The following PFKFB3 variants were observed in gnomAD, a reference collection of about 807,000 sequenced individuals.
PFKFB3 encodes 6-phosphofructo-2-kinase/fructose-2,6-bisphosphatase 3.
A neutral mutation model predicts 68.0 loss-of-function variants in PFKFB3; 33 were observed. The ratio of observed to expected loss-of-function variants is 0.49; its 90% CI spans 0.37 to 0.65. The LOEUF is 0.65. Ranked by LOEUF, PFKFB3 falls within the 30% of genes least tolerant of loss-of-function variation. The pLI, the probability that PFKFB3 is intolerant of heterozygous loss-of-function variation, is 0.00. For synonymous variants in PFKFB3, 315 were observed against 288.2 expected (o/e 1.09, Z -0.94); for missense variants, 586 against 712.2 (o/e 0.82, Z 2.02).
intron 14 of PFKFB3, among the ~76,000 whole-genome samples, chr10:6,248,042 C>T (rs955328047): frequency 5.3e-5 from 8 of 152,156 alleles, no homozygotes; most frequent in Non-Finnish European, 1.0e-4. Flanking sequence ...GGCCATCAAG[C>T]CAATGCCTTT....
At chr10:6,188,249 C>T (rs1316258919) in intron 1 of PFKFB3, among the ~76,000 whole-genome samples, 1 of 151,870 alleles carries the variant, frequency 6.6e-6, no homozygotes. Flanking sequence ...AGGATATCAA[C>T]ACTGATACAG....
chr10:6,165,685 AT>A (rs947911136), intron 1 of PFKFB3, among the ~76,000 whole-genome samples: 2 of 152,068 alleles, frequency 1.3e-5, no homozygotes, highest in African/African-American at 4.8e-5. Context: ...CGATGCGTCT[AT>A]TTTTTTGTAA....
chr10:6,292,566 G>A, the PFKFB3 span, among the ~76,000 whole-genome samples: 2 of 151,666 alleles, frequency 1.3e-5, no homozygotes, highest in Non-Finnish European at 2.9e-5. Context: ...TGGGATTACA[G>A]GCGTGAGCCA....
At position 6,192,139 on chromosome 10, in the gene PFKFB3, T is replaced by TACACACACACACACACAC. The variant is rs60638987; in HGVS notation, c.17-21456_17-21439dup. 1.5e-3 allele frequency among the ~76,000 whole-genome samples: 183 copies of TACACACACACACACACAC among 119,140 alleles called. 5 individuals are homozygous for TACACACACACACACACAC. Among genetic ancestry groups the TACACACACACACACACAC allele is most frequent in the East Asian group, 6.4e-3 (25 of 3,918 alleles). The allele number at this position is 119,140 out of a possible 152,430, so 78.2% of individuals were successfully genotyped here. ...CAGCAGAGTCAATGACATTCCCCAA[T>TACACACACACACACACAC]ACACACACACACACACACACACACA... On this transcript the variant is annotated intron_variant, in intron 1 of 14. Transcript: ENST00000379789.
chr10:6,186,149 A>G (rs1302994300), intron 1 of PFKFB3, among the ~76,000 whole-genome samples: 1 of 152,184 alleles, frequency 6.6e-6, no homozygotes, highest in Non-Finnish European at 1.5e-5. Context: ...TTTGTTTTTT[A>G]TTTTAATATT....
intron 1 of PFKFB3, among the ~76,000 whole-genome samples, chr10:6,188,896 G>A (rs970305513): frequency 1.4e-5 from 2 of 143,364 alleles, no homozygotes; most frequent in Non-Finnish European, 3.0e-5. Context: ...GTGCAGTGGC[G>A]CGATCTCGGC....
At chr10:6,237,275 G>A (rs910999499), downstream of PFKFB3, among the ~76,000 whole-genome samples, 13 of 152,254 alleles carry the variant, frequency 8.5e-5, no homozygotes, top group East Asian at 9.6e-4. Context: ...CTAAGATCCC[G>A]GAGAGCAGGG....
intron 14 of PFKFB3, among the ~76,000 whole-genome samples, chr10:6,252,557 G>A (rs192701758): frequency 6.6e-6 from 1 of 152,186 alleles, no homozygotes; most frequent in Admixed American, 6.5e-5. Context: ...AGAAGAATGA[G>A]ATATATATAA....
At chr10:6,208,295 G>A (rs919237054) in intron 1 of PFKFB3, among the ~76,000 whole-genome samples, 7 of 148,740 alleles carry the variant, frequency 4.7e-5, no homozygotes, top group East Asian at 4.0e-4. Flanking sequence ...AGCTGGTCTC[G>A]AATTCCTGGC....
chr10:6,170,922 T>C (rs947681650), intron 1 of PFKFB3, among the ~76,000 whole-genome samples: 1 of 152,110 alleles, frequency 6.6e-6, no homozygotes, highest in African/African-American at 2.4e-5. Context: ...AGGGGAAATC[T>C]GCCTAATCCA....
intron 11 of PFKFB3, 87 bp from the exon 12 acceptor site, chr10:6,223,871 C>T (rs957249782): frequency 7.7e-6 from 9 of 1,165,698 alleles, no homozygotes; most frequent in South Asian, 4.9e-5. Context: ...CCTGCCTCGG[C>T]CTCCCAAAGT....
chr10:6,281,993 A>G, the PFKFB3 span, among the ~76,000 whole-genome samples: 1 of 145,668 alleles, frequency 6.9e-6, no homozygotes, highest in African/African-American at 2.5e-5. Flanking sequence ...AGGTCTCACT[A>G]TGTTGCTCAG....
the PFKFB3 span, among the ~76,000 whole-genome samples, chr10:6,315,267 T>C: frequency 6.6e-6 from 1 of 151,724 alleles, no homozygotes; most frequent in East Asian, 1.9e-4. Context: ...CATCCCAGAG[T>C]GCGCATGAAA....
the PFKFB3 span, among the ~76,000 whole-genome samples, chr10:6,266,328 T>C: frequency 6.6e-6 from 1 of 152,222 alleles, no homozygotes; most frequent in African/African-American, 2.4e-5. Flanking sequence ...ATCTTCAGGC[T>C]GGCTCCTGTA....
rs551378675 is a variant in PFKFB3, at chr10:6,246,953, C to T, written c.1516-7225C>T. ...GATGCAACAGCTTGCATCCCTAACC[C>T]GAGGCTGGTGCGGCGCCCTTGCCCT... On this transcript the variant is annotated intron_variant, in intron 14 of 14. Transcript: ENST00000640683. Among the ~76,000 whole-genome samples, 11 of 152,332 alleles carry T rather than the reference C, an allele frequency of 7.2e-5. 1 individual carries two copies. The highest frequency in any genetic ancestry group is 3.9e-4 in the East Asian group (2 of 5,190).
At chr10:6,263,380 C>T in the PFKFB3 span, among the ~76,000 whole-genome samples, 1 of 152,232 alleles carries the variant, frequency 6.6e-6, no homozygotes, top group African/African-American at 2.4e-5. Context: ...AACCTTCCAG[C>T]GTGGGCATTA....
chr10:6,178,614 C>T (rs761137745), intron 1 of PFKFB3, among the ~76,000 whole-genome samples: 6 of 152,254 alleles, frequency 3.9e-5, no homozygotes, highest in South Asian at 2.1e-4. Context: ...TGCCCTCCCT[C>T]GGTGCCTGCC....
chr10:6,161,262 C>G (rs186791959), intron 1 of PFKFB3, among the ~76,000 whole-genome samples: 1 of 152,074 alleles, frequency 6.6e-6, no homozygotes, highest in Non-Finnish European at 1.5e-5. Context: ...TTCTGTTGCT[C>G]AAACACTCAA....
At chr10:6,285,386 A>T in the PFKFB3 span, among the ~76,000 whole-genome samples, 9 of 152,012 alleles carry the variant, frequency 5.9e-5, no homozygotes, top group East Asian at 1.7e-3. Flanking sequence ...GGCATGTGCC[A>T]CCATATCTGG....
Sources: gnomAD v4.1 joint callset for allele counts (sites outside exome capture counted in the v4.1 genomes callset) on GRCh38, gnomAD v4.1.1 for gene constraint, MANE v1.5 for transcripts, NCBI Gene and HGNC (gene_info 2026-07-23, HGNC 2026-07-21) for gene names.